ARHGAP32: variants seen among roughly 807,000 people sequenced by gnomAD.
ARHGAP32 encodes the protein rho GTPase-activating protein 32.
ARHGAP32 carries 51 observed loss-of-function variants against 186.5 expected under a neutral mutation model. The ratio of observed to expected loss-of-function variants is 0.27; its 90% CI spans 0.22 to 0.35. The LOEUF (loss-of-function observed/expected upper bound fraction) is 0.35. Among genes scored for constraint, ARHGAP32 ranks in the 10% least tolerant of loss-of-function variants. The pLI is 1.00. For synonymous variants in ARHGAP32, 950 were observed against 964.3 expected, an observed-to-expected ratio of 0.99 and a Z score of 0.27; for missense variants, 2,186 against 2,623.5, an observed-to-expected ratio of 0.83 and a Z score of 3.64.
upstream of ARHGAP32, among the ~76,000 whole-genome samples, chr11:129,195,129 T>G (rs1055675194): frequency 6.6e-6 from 1 of 151,778 alleles, no homozygotes; most frequent in African/African-American, 2.4e-5. Context: ...CCACGACACC[T>G]GCTAATTTTT....
At chr11:128,980,847 C>T in intron 17 of ARHGAP32, 99 bp from the exon 18 acceptor site, 5 of 948,548 alleles carry the variant, frequency 5.3e-6, no homozygotes, top group Non-Finnish European at 7.7e-6. Flanking sequence ...TCTGTTGTTT[C>T]AAATTTTCTT....
chr11:129,118,595 A>G (rs1283269318), intron 5 of ARHGAP32, among the ~76,000 whole-genome samples: 2 of 152,094 alleles, frequency 1.3e-5, no homozygotes, highest in African/African-American at 4.8e-5. Flanking sequence ...CTAATGAGCA[A>G]TAATCAAATC....
At chr11:129,237,734 C>T (rs1196973737) in intron 1 of ARHGAP32, among the ~76,000 whole-genome samples, 1 of 152,108 alleles carries the variant, frequency 6.6e-6, no homozygotes, top group Non-Finnish European at 1.5e-5. Flanking sequence ...TAGGGCCAAA[C>T]CAGGCAGGGC....
At chr11:129,023,254 T>A (rs1312774744) in intron 11 of ARHGAP32, among the ~76,000 whole-genome samples, 1 of 152,188 alleles carries the variant, frequency 6.6e-6, no homozygotes, top group Non-Finnish European at 1.5e-5. Flanking sequence ...TGAGATTTAA[T>A]ACAAAATATT....
At chr11:129,171,929 G>A (rs889977135) in intron 1 of ARHGAP32, among the ~76,000 whole-genome samples, 20 of 151,922 alleles carry the variant, frequency 1.3e-4, no homozygotes, top group African/African-American at 1.9e-4. Flanking sequence ...TCTCTTTGTA[G>A]CAATTATGAA....
chr11:129,071,675 A>C (rs1313510706), intron 6 of ARHGAP32, among the ~76,000 whole-genome samples: 1 of 152,176 alleles, frequency 6.6e-6, no homozygotes, highest in East Asian at 1.9e-4. Flanking sequence ...AAAACTAAAA[A>C]TAGAATTACC....
intron 2 of ARHGAP32, among the ~76,000 whole-genome samples, chr11:129,157,233 C>T (rs1943429200): frequency 6.6e-6 from 1 of 151,954 alleles, no homozygotes; most frequent in African/African-American, 2.4e-5. Flanking sequence ...ATGAGTCTGA[C>T]GAATTGACAG....
At chr11:129,141,632 AAAAG>A (rs1191133574) in intron 2 of ARHGAP32, among the ~76,000 whole-genome samples, 4 of 151,860 alleles carry the variant, frequency 2.6e-5, no homozygotes, top group African/African-American at 7.2e-5. Flanking sequence ...TAAAAAAAAA[AAAAG>A]AAAGAAAAAA....
intron 1 of ARHGAP32, among the ~76,000 whole-genome samples, chr11:129,166,615 G>A (rs10893984): frequency 0.19 from 29,423 of 151,132 alleles, 3,059 homozygotes; most frequent in Non-Finnish European, 0.23. Context: ...GTGCTAAAAG[G>A]AAAAAATATT....
intron 10 of ARHGAP32, among the ~76,000 whole-genome samples, chr11:129,047,207 AG>A (rs1466308246): frequency 6.6e-6 from 1 of 152,192 alleles, no homozygotes; most frequent in African/African-American, 2.4e-5. Context: ...CTGTTGGCGT[AG>A]CCAAACATTT....
At chr11:129,271,806 T>C (rs555040079) in intron 1 of ARHGAP32, among the ~76,000 whole-genome samples, 2 of 152,260 alleles carry the variant, frequency 1.3e-5, no homozygotes, top group Admixed American at 6.5e-5. Flanking sequence ...AGAGGTCAAA[T>C]AAGATACAAA....
chr11:129,141,487 G>A (rs1423413876), intron 2 of ARHGAP32, among the ~76,000 whole-genome samples: 4 of 152,170 alleles, frequency 2.6e-5, no homozygotes, highest in Admixed American at 2.0e-4. Context: ...TAGGGGGATG[G>A]GGAAGGGACA....
At chr11:128,985,922 A>C (rs768334405) in intron 15 of ARHGAP32, 81 bp downstream of exon 15, 3 of 703,966 alleles carry the variant, frequency 4.3e-6, no homozygotes, top group Non-Finnish European at 6.5e-6. Context: ...AGGAAGTTTA[A>C]ATAGAAATCC....
chr11:128,968,955 G>A lies in ARHGAP32; in HGVS notation c.6258C>T (p.Pro2086=), dbSNP rs116891747. 5.7e-3 allele frequency: 8,845 copies of A among 1,564,532 alleles called. 36 individuals are homozygous for A. The highest frequency in any genetic ancestry group is 6.7e-3 in the Non-Finnish European group (7,726 of 1,150,650). ...ATALGQGAFL[P]AELSLQHPET... ...CAGGATGCTGCAAGGACAACTCTGC[G>A]GGCAGGAAGGCCCCTTGACCCAACG... Residue 2086 remains proline, a synonymous_variant, in exon 23 of 23, where the codon CCC becomes CCT. Coordinates refer to ENST00000682385, the MANE Select transcript of ARHGAP32 (RefSeq NM_001378024.1).
chr11:129,255,668 C>T (rs1165156058), intron 1 of ARHGAP32, among the ~76,000 whole-genome samples: 1 of 151,920 alleles, frequency 6.6e-6, no homozygotes, highest in Non-Finnish European at 1.5e-5. Flanking sequence ...AAGACTCTCA[C>T]AAACAAGACA....
chr11:129,100,723 T>C (rs2135298737), intron 5 of ARHGAP32, among the ~76,000 whole-genome samples: 1 of 152,102 alleles, frequency 6.6e-6, no homozygotes, highest in South Asian at 2.1e-4. Flanking sequence ...CCACCCTGAG[T>C]GACCACTTCT....
At chr11:129,213,333 A>C (rs1944605217) in intron 1 of ARHGAP32, among the ~76,000 whole-genome samples, 1 of 152,224 alleles carries the variant, frequency 6.6e-6, no homozygotes, top group South Asian at 2.1e-4. Flanking sequence ...TTTAACTGAC[A>C]CAAGGAACAT....
intron 1 of ARHGAP32, among the ~76,000 whole-genome samples, chr11:129,186,942 A>G (rs1944174229): frequency 6.6e-6 from 1 of 152,194 alleles, no homozygotes; most frequent in Admixed American, 6.5e-5. Flanking sequence ...ACTACTATGA[A>G]GAAAAGTTTG....
At chr11:129,017,469 G>GA (rs1000109683) in intron 11 of ARHGAP32, among the ~76,000 whole-genome samples, 2 of 145,762 alleles carry the variant, frequency 1.4e-5, no homozygotes, top group African/African-American at 2.5e-5. Context: ...AAAAGAAAAA[G>GA]AAAAAAAAAG....
Sources: gnomAD v4.1 joint callset for allele counts (sites outside exome capture counted in the v4.1 genomes callset) on GRCh38, gnomAD v4.1.1 for gene constraint, MANE v1.5 for transcripts, NCBI Gene and HGNC (gene_info 2026-07-23, HGNC 2026-07-21) for gene names.